The following FNDC3B variants were observed in gnomAD, a reference collection of about 807,000 sequenced individuals.
FNDC3B encodes fibronectin type III domain-containing protein 3B.
Under a neutral mutation model 151.5 loss-of-function variants are expected in FNDC3B, and 12 were observed. The observed-to-expected ratio is 0.08, with a 90% CI of 0.05 to 0.13. FNDC3B has a LOEUF of 0.13. Among genes scored for constraint, FNDC3B ranks in the 10% least tolerant of loss-of-function variants. FNDC3B has a pLI of 1.00. For synonymous variants in FNDC3B, 528 were observed against 549.0 expected, an observed-to-expected ratio of 0.96 and a Z score of 0.54; for missense variants, 1,214 against 1,505.3, an observed-to-expected ratio of 0.81 and a Z score of 3.20.
At chr3:172,297,597 C>G (rs1730685033) in intron 8 of FNDC3B, among the ~76,000 whole-genome samples, 1 of 152,154 alleles carries the variant, frequency 6.6e-6, no homozygotes, top group African/African-American at 2.4e-5. Flanking sequence ...GCCTCAGCCT[C>G]CTGAGTAGGT....
chr3:172,242,159 G>C (rs1286527008), intron 4 of FNDC3B, among the ~76,000 whole-genome samples: 5 of 152,156 alleles, frequency 3.3e-5, no homozygotes, highest in Non-Finnish European at 7.4e-5. Context: ...CATAGTCTTG[G>C]GCAGCTCTGC....
chr3:172,237,889 T>C (rs1576826663), intron 4 of FNDC3B, among the ~76,000 whole-genome samples: 1 of 152,240 alleles, frequency 6.6e-6, no homozygotes, highest in Non-Finnish European at 1.5e-5. Flanking sequence ...CTTTTTTTGT[T>C]ATTATTTAAA....
chr3:172,379,227 A>G (rs571733347), intron 24 of FNDC3B, among the ~76,000 whole-genome samples: 1 of 152,226 alleles, frequency 6.6e-6, no homozygotes, highest in Non-Finnish European at 1.5e-5. Flanking sequence ...ATCTCCTGCA[A>G]ATACTGTGGT....
At chr3:172,314,528 T>G (rs1731681005) in intron 11 of FNDC3B, among the ~76,000 whole-genome samples, 1 of 152,206 alleles carries the variant, frequency 6.6e-6, no homozygotes, top group East Asian at 1.9e-4. Flanking sequence ...AGCCCCATAT[T>G]TTTATTACAG....
intron 16 of FNDC3B, among the ~76,000 whole-genome samples, chr3:172,339,381 T>C (rs1733166503): frequency 6.6e-6 from 1 of 151,878 alleles, no homozygotes; most frequent in Admixed American, 6.6e-5. Flanking sequence ...GCCAACATGG[T>C]GAAACCCGTC....
chr3:172,264,705 G>A (rs1576852693), intron 6 of FNDC3B, among the ~76,000 whole-genome samples: 1 of 152,268 alleles, frequency 6.6e-6, no homozygotes, highest in South Asian at 2.1e-4. Flanking sequence ...AATAGAAAAT[G>A]ATAACGATAC....
In FNDC3B at chr3:172,399,196, G is replaced by A. The variant is rs1185256442; in HGVS notation, c.*1721G>A. The A allele has an allele frequency of 6.6e-6, 1 of 152,548 alleles. No individual in the cohort carries two copies. Among genetic ancestry groups the A allele is most frequent in the Non-Finnish European group, 1.5e-5 (1 of 68,026 alleles). The allele number at this position is 152,548 out of a possible 1,614,324, so 9.4% of individuals were successfully genotyped here. ...TACAGTACTTTAAATGCCAATTACA[G>A]TGCAATCTTTATTTATTGTAAAATT... On this transcript the variant is annotated 3_prime_UTR_variant, in exon 26 of 26. Coordinates refer to ENST00000415807, the MANE Select transcript of FNDC3B (RefSeq NM_022763.4).
chr3:172,168,807 G>C, intron 3 of FNDC3B, among the ~76,000 whole-genome samples: 1 of 149,832 alleles, frequency 6.7e-6, no homozygotes, highest in East Asian at 1.9e-4. Context: ...CCGCTTCCCG[G>C]GTTCAAGTGA....
At chr3:172,145,625 C>A (rs1721863751) in intron 3 of FNDC3B, among the ~76,000 whole-genome samples, 1 of 152,104 alleles carries the variant, frequency 6.6e-6, no homozygotes. Context: ...TATAAATGGT[C>A]CAGATTTATA....
intron 19 of FNDC3B, 173 bp from the exon 20 acceptor site, chr3:172,346,154 A>G (rs1004705026): frequency 3.2e-5 from 13 of 410,826 alleles, no homozygotes; most frequent in Non-Finnish European, 5.2e-5. Flanking sequence ...TAGGAGAAAA[A>G]CTTACACACA....
intron 1 of FNDC3B, among the ~76,000 whole-genome samples, chr3:172,091,873 G>GGTGTGTGTGTGTGTGTGTGTGTGTGT (rs377450281): frequency 8.0e-6 from 1 of 124,820 alleles, no homozygotes; most frequent in African/African-American, 3.1e-5. Context: ...ACTTTACTGG[G>GGTGTGTGTGTGTGTGTGTGTGTGTGT]GTGTGTGTGT....
chr3:172,211,081 CA>C (rs759662742), intron 3 of FNDC3B, among the ~76,000 whole-genome samples: 3 of 152,142 alleles, frequency 2.0e-5, no homozygotes, highest in Non-Finnish European at 2.9e-5. Context: ...TTTATGATTT[CA>C]TATGACAATA....
At chr3:172,264,448 T>C (rs1253551017) in intron 6 of FNDC3B, among the ~76,000 whole-genome samples, 1 of 152,228 alleles carries the variant, frequency 6.6e-6, no homozygotes. Context: ...ATCTGTGGGA[T>C]GTTTGTACCC....
intron 23 of FNDC3B, among the ~76,000 whole-genome samples, chr3:172,376,116 C>T (rs1735126296): frequency 6.6e-6 from 1 of 152,150 alleles, no homozygotes; most frequent in Middle Eastern, 3.4e-3. Flanking sequence ...AATTGGAATG[C>T]AATTTTAAAC....
At chr3:172,051,661 A>G (rs923099546) in intron 1 of FNDC3B, among the ~76,000 whole-genome samples, 5 of 152,096 alleles carry the variant, frequency 3.3e-5, no homozygotes, top group African/African-American at 1.2e-4. Flanking sequence ...TAAAGAACCT[A>G]CTGTCTTTGG....
intron 23 of FNDC3B, among the ~76,000 whole-genome samples, chr3:172,368,086 A>G (rs1297280968): frequency 6.6e-6 from 1 of 152,150 alleles, no homozygotes; most frequent in Non-Finnish European, 1.5e-5. Context: ...CCTGAGCAGC[A>G]TAGTGAGACC....
intron 8 of FNDC3B, among the ~76,000 whole-genome samples, chr3:172,296,514 C>G (rs377076792): frequency 3.3e-5 from 5 of 152,152 alleles, no homozygotes; most frequent in African/African-American, 4.8e-5. Context: ...AGGTCTTCCA[C>G]CCCCGACTCT....
At chr3:172,135,906 G>A (rs1721335600) in intron 3 of FNDC3B, among the ~76,000 whole-genome samples, 1 of 152,194 alleles carries the variant, frequency 6.6e-6, no homozygotes, top group South Asian at 2.1e-4. Context: ...CAGTGTATTT[G>A]TAAATTCCAA....
intron 3 of FNDC3B, among the ~76,000 whole-genome samples, chr3:172,219,137 ACCT>A (rs1236259850): frequency 2.0e-5 from 3 of 152,158 alleles, no homozygotes; most frequent in Admixed American, 1.3e-4. Flanking sequence ...AGGGCCTTTG[ACCT>A]CCTCAGTTCT....
Sources: gnomAD v4.1 joint callset for allele counts (sites outside exome capture counted in the v4.1 genomes callset) on GRCh38, gnomAD v4.1.1 for gene constraint, MANE v1.5 for transcripts, NCBI Gene and HGNC (gene_info 2026-07-23, HGNC 2026-07-21) for gene names.